Variants in ZAN observed in about 807,000 individuals in gnomAD.
ZAN encodes zonadhesin, also known as zonadhesin (gene/pseudogene).
Under a neutral mutation model 286.2 loss-of-function variants are expected in ZAN, and 260 were observed. The ratio of observed to expected loss-of-function variants is 0.91; its 90% CI spans 0.82 to 1.01. ZAN has a LOEUF of 1.01. Ranked by LOEUF, ZAN falls within the 50% of genes least tolerant of loss-of-function variation. The pLI is 0.00. For missense variants in ZAN, 3,410 were observed against 3,639.2 expected (o/e 0.94, Z 1.62); for synonymous variants, 1,368 against 1,417.5 (o/e 0.97, Z 0.79).
intron 7 of ZAN, among the ~76,000 whole-genome samples, chr7:100,743,441 A>G (rs1349142443): frequency 1.3e-5 from 2 of 151,976 alleles, no homozygotes; most frequent in African/African-American, 4.8e-5. Flanking sequence ...TCTCTCACAC[A>G]ACATTCACTT....
At position 100,763,253 on chromosome 7, in the gene ZAN, TCA is replaced by T. The variant is rs1241991726; in HGVS notation, c.3987-551_3987-550del. ...ATGCAAAATGCCGGGATTACAGGCA[TCA>T]CCACCACACCCAGCCTGTGCCCTCC... On this transcript the variant is annotated intron_variant, in intron 20 of 47. Coordinates refer to ENST00000613979, the MANE Select transcript of ZAN (RefSeq NM_003386.3). This position sits in a 1 kb window ranked among gnomAD's most constrained non-coding sequence, Gnocchi z 4.6. 6.6e-6 allele frequency among the ~76,000 whole-genome samples: 1 copy of T among 152,094 alleles called. No individual in the cohort carries two copies.
chr7:100,764,451 C>A (rs576421082), intron 22 of ZAN, among the ~76,000 whole-genome samples: 5 of 151,778 alleles, frequency 3.3e-5, no homozygotes, highest in Non-Finnish European at 2.9e-5. Context: ...GCCGAGATTG[C>A]GCCACTGCAC....
intron 35 of ZAN, among the ~76,000 whole-genome samples, chr7:100,780,938 T>G (rs1811158746): frequency 6.6e-6 from 1 of 151,926 alleles, no homozygotes. Flanking sequence ...ACAAAAAAAT[T>G]AAAAAAACAA....
chr7:100,779,953 G>A (rs561851662), intron 35 of ZAN, among the ~76,000 whole-genome samples: 1 of 152,234 alleles, frequency 6.6e-6, no homozygotes, highest in African/African-American at 2.4e-5. Context: ...CCAGCACTTG[G>A]GGAGGCCAAG....
intron 34 of ZAN, among the ~76,000 whole-genome samples, chr7:100,778,604 A>C (rs1009720026): frequency 6.7e-6 from 1 of 150,022 alleles, no homozygotes; most frequent in Admixed American, 6.7e-5. Context: ...TGGGAAGCAA[A>C]AAAGGAAATC....
rs990575556 is a variant in ZAN, at chr7:100,770,332, G to A, written c.5248+358G>A. On this transcript the variant is annotated intron_variant, in intron 28 of 47. Coordinates refer to ENST00000613979, the MANE Select transcript of ZAN (RefSeq NM_003386.3). ...AGCCTGGCTAGCATGGTGAAACCCCGTCTCTACTAAAAATACAAAAAATTA... is the reference window on the plus strand; with the variant it reads ...AGCCTGGCTAGCATGGTGAAACCCCATCTCTACTAAAAATACAAAAAATTA... Among the ~76,000 whole-genome samples, 6 of 151,608 alleles carry A rather than the reference G, an allele frequency of 4.0e-5. No individual in the cohort carries two copies. The East Asian group carries it at 7.9e-4, about 20-fold the overall frequency.
At position 100,784,629 on chromosome 7, in the gene ZAN, A is replaced by T. The variant is rs1226850540; in HGVS notation, c.6629A>T (p.Glu2210Val). Residue 2210 changes from glutamate (E) to valine (V), a missense_variant, in exon 36 of 48, where the codon GAA (glutamate) becomes GTA (valine). By Grantham distance (121) the Glu-to-Val change is moderately radical. Transcript: ENST00000613979. ...CTGTCTCCTTCACCCACAGCTCTGG[A>T]ATGCCCTGCCTACAGCAGCTACACC... is the stretch of plus-strand genomic sequence containing the variant. ...LWRNSSFCPL[E>V]CPAYSSYTNC... The T allele has an allele frequency of 6.2e-7, 1 of 1,613,554 alleles. No homozygotes were observed. Among genetic ancestry groups the T allele is most frequent in the East Asian group, 2.2e-5 (1 of 44,884 alleles).
intron 38 of ZAN, 50 bp downstream of exon 38, chr7:100,788,186 G>A (rs755372516): frequency 7.0e-7 from 1 of 1,430,826 alleles, no homozygotes; most frequent in Non-Finnish European, 9.2e-7. Flanking sequence ...GCTGGACCAG[G>A]TAGGCCACCT....
At position 100,772,937 on chromosome 7, in the gene ZAN, C is replaced by A. The variant is rs1472449742; in HGVS notation, c.5426-348C>A. On this transcript the variant is annotated intron_variant, in intron 29 of 47. Coordinates refer to ENST00000613979, the MANE Select transcript of ZAN (RefSeq NM_003386.3). ...CCCAGGCTGGAGTGCAGTGGTCTGACCTCGCCTCATTGCAACCTCTGCCTC... is the reference window on the plus strand; with the variant it reads ...CCCAGGCTGGAGTGCAGTGGTCTGAACTCGCCTCATTGCAACCTCTGCCTC... Among the ~76,000 whole-genome samples, 5 of 147,396 alleles carry A rather than the reference C, an allele frequency of 3.4e-5. No homozygotes were observed. The Admixed American group carries it at 3.4e-4, about 10-fold the overall frequency.
In ZAN at chr7:100,766,804, C is replaced by T. The variant is rs192048764; in HGVS notation, c.4612+138C>T. ...GGAGGGGCAGCAGGGGCAGCATTTT[C>T]AGGGACCCAAAGGGTGAGGTTGGGG... On this transcript the variant is annotated intron_variant, in intron 24 of 47. Coordinates refer to ENST00000613979, the MANE Select transcript of ZAN (RefSeq NM_003386.3). 1,446 of 1,430,624 alleles carry T rather than the reference C, an allele frequency of 1.0e-3. 3 individuals carry two copies. Among genetic ancestry groups the T allele is most frequent in the Non-Finnish European group, 1.3e-3 (1,376 of 1,078,786 alleles). 88.6% of individuals were successfully genotyped at this position (1,430,624 alleles called of 1,614,324 possible).
At chr7:100,786,522 T>A (rs927223011) in intron 37 of ZAN, among the ~76,000 whole-genome samples, 4 of 152,176 alleles carry the variant, frequency 2.6e-5, no homozygotes, top group African/African-American at 9.6e-5. Flanking sequence ...GATCCTCACA[T>A]CTCAGCCTCC....
In ZAN at chr7:100,773,306, G is replaced by T. The variant is rs1259485637; in HGVS notation, c.5447G>T (p.Ser1816Ile). The change falls in exon 30 of 48, where the codon AGC becomes ATC. Residue 1816 changes from serine to isoleucine, a missense_variant. Physicochemically the swap from Ser to Ile is moderately radical, Grantham distance 142 (BLOSUM62 -2). Coordinates refer to ENST00000613979, the MANE Select transcript of ZAN (RefSeq NM_003386.3). ...TFCPMRCPPG[S>I]SYSPCSSPCP... ...TTAGCTATGAGGTGCCCACCTGGCA[G>T]CAGCTACAGCCCCTGCAGCAGCCCC... 2 of 1,613,630 alleles carry T rather than the reference G, an allele frequency of 1.2e-6. No homozygotes were observed. Among genetic ancestry groups the T allele is most frequent in the Admixed American group, 1.7e-5 (1 of 60,010 alleles).
intron 12 of ZAN, 115 bp from the exon 13 acceptor site, chr7:100,751,067 G>A: frequency 7.4e-7 from 1 of 1,352,622 alleles, no homozygotes; most frequent in Non-Finnish European, 9.9e-7. Flanking sequence ...GGACTGTTGA[G>A]GCTGGAACAA....
At position 100,748,392 on chromosome 7, in the gene ZAN, GA is replaced by G. The variant is rs748504307; in HGVS notation, c.1172del (p.Asp391ValfsTer48). 18 of 1,613,908 alleles carry G rather than the reference GA, an allele frequency of 1.1e-5. No individual in the cohort carries two copies. The highest frequency in any genetic ancestry group is 1.5e-5 in the Non-Finnish European group (18 of 1,179,906). ...PFCDWVQTSG[D>X]GGHWALGHKN... is the part of the protein sequence containing the mutation. ...CTGTGACTGGGTCCAGACTTCCGGG[GA>G]TGGTGGACACTGGGCCCTCGGACAT... is the stretch of plus-strand genomic sequence containing the variant. On this transcript the variant is annotated frameshift_variant, in exon 11 of 48. Transcript: ENST00000613979. LOFTEE classifies it high-confidence loss of function.
In ZAN at chr7:100,762,318, C is replaced by A. The variant is rs752302295; in HGVS notation, c.3946C>A (p.Leu1316Met). The A allele has an allele frequency of 6.2e-7, 1 of 1,612,724 alleles. No homozygotes were observed. Among genetic ancestry groups the A allele is most frequent in the African/African-American group, 1.3e-5 (1 of 74,882 alleles). Residue 1316 changes from leucine (L) to methionine (M), a missense_variant, in exon 20 of 48, where the codon CTG becomes ATG. Leu to Met is a conservative substitution (Grantham distance 15). This residue lies in a region of ZAN where 1,042 missense variants were observed against 1,058.0 expected (regional missense o/e 0.98). Transcript: ENST00000613979. ...CAGCCCAGCAGGAGACAAGGAGGAGCTGGGGAACAGCTGGCAGACGGACCA... is the reference window on the plus strand; with the variant it reads ...CAGCCCAGCAGGAGACAAGGAGGAGATGGGGAACAGCTGGCAGACGGACCA... Reference protein sequence around the residue: ...DGSPAGDKEELGNSWQTDQDE... With the variant: ...DGSPAGDKEEMGNSWQTDQDE...
chr7:100,748,069 G>C, intron 9 of ZAN, 68 bp from the exon 10 acceptor site: 2 of 1,325,416 alleles, frequency 1.5e-6, no homozygotes, highest in Non-Finnish European at 2.2e-6. Context: ...GAATGGAGTC[G>C]AGTTAGATCA....
At chr7:100,748,271 A>G in intron 10 of ZAN, 53 bp from the exon 11 acceptor site, 1 of 1,613,362 alleles carries the variant, frequency 6.2e-7, no homozygotes. Flanking sequence ...GGGCTGGGGG[A>G]GGGCTGGAGA....
chr7:100,786,042 T>A lies in ZAN; in HGVS notation c.6880T>A (p.Cys2294Ser). 1 of 1,614,004 alleles carries A rather than the reference T, an allele frequency of 6.2e-7. No homozygotes were observed. Among genetic ancestry groups the A allele is most frequent in the Non-Finnish European group, 8.5e-7 (1 of 1,179,890 alleles). ...VSSGCTEKCV[C>S]TGGAIQCGDF... ...CAGCGGTTGCACGGAGAAGTGTGTC[T>A]GCACGGGAGGAGCCATTCAGTGCGG... Residue 2294 changes from cysteine to serine, a missense_variant, in exon 37 of 48, where the codon TGC (cysteine) becomes AGC (serine). By Grantham distance (112) the Cys-to-Ser change is moderately radical. Around this residue, in one of 7 missense-constraint regions of ZAN, gnomAD observed 1,289 missense variants for 1,314.3 expected, o/e 0.98. Coordinates refer to ENST00000613979, the MANE Select transcript of ZAN (RefSeq NM_003386.3).
chr7:100,747,326 G>T (rs1485527602), intron 8 of ZAN, among the ~76,000 whole-genome samples: 1 of 152,100 alleles, frequency 6.6e-6, no homozygotes, highest in African/African-American at 2.4e-5. Context: ...GACAGAAGTT[G>T]CAGTGAGCCA....
Sources: allele counts gnomAD v4.1 joint callset (sites outside exome capture counted in the v4.1 genomes callset), GRCh38; gene constraint gnomAD v4.1.1; regional missense constraint gnomAD v4.1.1; non-coding constraint Gnocchi (gnomAD v3.1); transcripts MANE v1.5; gene names NCBI Gene and HGNC (gene_info 2026-07-23, HGNC 2026-07-21).